OSBPL5: variants seen among roughly 807,000 people sequenced by gnomAD.
The protein encoded by OSBPL5 is oxysterol-binding protein-related protein 5.
Under a neutral mutation model 111.2 loss-of-function variants are expected in OSBPL5, and 71 were observed. That is an observed-to-expected ratio of 0.64 (90% CI 0.53 to 0.78). The LOEUF is 0.78. Ranked by LOEUF, OSBPL5 falls within the 30% of genes least tolerant of loss-of-function variation. OSBPL5 has a pLI of 0.00. For synonymous variants in OSBPL5, 549 were observed against 513.9 expected (o/e 1.07, Z -0.93); for missense variants, 1,210 against 1,189.3 (o/e 1.02, Z -0.26).
chr11:3,096,414 T>C (rs1857254308), intron 14 of OSBPL5, among the ~76,000 whole-genome samples: 1 of 151,304 alleles, frequency 6.6e-6, no homozygotes, highest in Non-Finnish European at 1.5e-5. Flanking sequence ...AGGGCAGGAG[T>C]TTGTGACCAG....
In OSBPL5 at chr11:3,107,929, G is replaced by T; in HGVS notation, c.708C>A (p.Asp236Glu). 6.3e-7 allele frequency: 1 copy of T among 1,599,978 alleles called. No individual in the cohort carries two copies. ...ASESDGRCWL[D>E]ALELALRCSS... ...AGCAGCGCAGGGCCAGCTCCAGGGCGTCCAGCCAGCAGCGACCTGCGGGGC... is the reference window on the plus strand; with the variant it reads ...AGCAGCGCAGGGCCAGCTCCAGGGCTTCCAGCCAGCAGCGACCTGCGGGGC... Residue 236 changes from aspartate (D) to glutamate (E), a missense_variant, in exon 8 of 22, where the codon GAC becomes GAA. By Grantham distance (45) the Asp-to-Glu change is conservative. Coordinates refer to ENST00000263650, the MANE Select transcript of OSBPL5 (RefSeq NM_020896.4). The surrounding 1 kb of genome is among the most constrained non-coding windows in gnomAD (Gnocchi z 6.1).
chr11:3,098,767 A>G (rs1361708703), intron 14 of OSBPL5, among the ~76,000 whole-genome samples: 3 of 151,600 alleles, frequency 2.0e-5, no homozygotes, highest in African/African-American at 4.9e-5. Flanking sequence ...AACCTCCCAA[A>G]GTGCTGGGAT....
At chr11:3,143,005 CAGAG>C (rs1564857147) in intron 1 of OSBPL5, among the ~76,000 whole-genome samples, 4 of 77,156 alleles carry the variant, frequency 5.2e-5, no homozygotes, top group Non-Finnish European at 1.1e-4. Context: ...GAGGCAGGTG[CAGAG>C]GGGGGCAGAG....
intron 10 of OSBPL5, among the ~76,000 whole-genome samples, chr11:3,103,885 C>CCCTT (rs1564830898): frequency 1.0e-4 from 5 of 49,932 alleles, no homozygotes; most frequent in Non-Finnish European, 1.6e-4. Context: ...CCTCTGTAGC[C>CCCTT]CCATTCCTGC....
rs1326825821 is a variant in OSBPL5, at chr11:3,107,086, G to A, written c.1059+177C>T. Among the ~76,000 whole-genome samples, 2 of 152,312 alleles carry A rather than the reference G, an allele frequency of 1.3e-5. No individual in the cohort carries two copies. The highest frequency in any genetic ancestry group is 1.5e-5 in the Non-Finnish European group (1 of 68,016). On this transcript the variant is annotated intron_variant, in intron 9 of 21. Transcript: ENST00000263650. The surrounding 1 kb of genome is among the most constrained non-coding windows in gnomAD (Gnocchi z 6.1). ...CAGCGGGGCAGCCTCTTTGGAAGAC[G>A]GGAGGAGCCTGTTTACCTAAAAGAC...
chr11:3,151,535 T>TG (rs899927806), intron 1 of OSBPL5, among the ~76,000 whole-genome samples: 1 of 152,216 alleles, frequency 6.6e-6, no homozygotes, highest in Non-Finnish European at 1.5e-5. Flanking sequence ...CCCCATGTGC[T>TG]GGGGGTGCAT....
Position 3,120,222 on chromosome 11 carries a change from C to A in OSBPL5, c.606+199G>T, listed in dbSNP as rs73415908. 3.8e-3 allele frequency among the ~76,000 whole-genome samples: 584 copies of A among 152,308 alleles called. 2 individuals carry two copies. Among genetic ancestry groups the A allele is most frequent in the African/African-American group, 0.014 (563 of 41,560 alleles). Reference sequence around the variant, plus strand: ...TGACCTTGATGCCACCTCCTTGCAGCCTACTGTGTGCTTCACATGGAGCAC... The same window carrying A: ...TGACCTTGATGCCACCTCCTTGCAGACTACTGTGTGCTTCACATGGAGCAC... On this transcript the variant is annotated intron_variant, in intron 6 of 21. Transcript: ENST00000263650.
In OSBPL5 at chr11:3,099,016, T is replaced by C. The variant is rs113925427; in HGVS notation, c.1621+1142A>G. Among the ~76,000 whole-genome samples, 369 of 152,296 alleles carry C rather than the reference T, an allele frequency of 2.4e-3. 1 individual carries two copies. Among genetic ancestry groups the C allele is most frequent in the Middle Eastern group, 6.8e-3 (2 of 294 alleles). ...CAGGGTTTTGCCATGTTGCCCAGGC[T>C]GGTCTTGAACTCTTGGGCTCAAGTG... On this transcript the variant is annotated intron_variant, in intron 14 of 21. Coordinates refer to ENST00000263650, the MANE Select transcript of OSBPL5 (RefSeq NM_020896.4).
In OSBPL5 at chr11:3,087,110, C is replaced by T. The variant is rs1207875751; in HGVS notation, c.*1095G>A. 1.3e-5 allele frequency: 2 copies of T among 152,350 alleles called. No individual in the cohort carries two copies. Among genetic ancestry groups the T allele is most frequent in the Admixed American group, 6.5e-5 (1 of 15,288 alleles). 9.4% of individuals were successfully genotyped at this position (152,350 alleles called of 1,614,324 possible). On this transcript the variant is annotated 3_prime_UTR_variant, in exon 22 of 22. Transcript: ENST00000263650. ...GCCCTCCTCTCGTTTCCAGAAGTCC[C>T]GCAAGAAGAGAACACGTATGTGTCT...
Position 3,112,474 on chromosome 11 carries a change from TTTTC to T in OSBPL5, c.692-4533_692-4530del, listed in dbSNP as rs869233517. Among the ~76,000 whole-genome samples the T allele has an allele frequency of 7.3e-3, 404 of 55,252 alleles. 1 individual carries two copies. The highest frequency in any genetic ancestry group is 0.013 in the South Asian group (14 of 1,114). The allele number at this position is 55,252 out of a possible 152,430, so 36.2% of individuals were successfully genotyped here. A position where few individuals can be genotyped will look rare whatever the true frequency, so the allele number is the denominator to read the frequency against. ...ATTGTGTAACCTGTTTTGTGTTTTC[TTTTC>T]TTTTTTTTTTTTTTTTTGACTAAAG... On this transcript the variant is annotated intron_variant, in intron 7 of 21. Transcript: ENST00000263650.
intron 3 of OSBPL5, among the ~76,000 whole-genome samples, chr11:3,124,737 G>T (rs573274416): frequency 2.6e-5 from 4 of 152,266 alleles, no homozygotes; most frequent in African/African-American, 9.6e-5. Context: ...TCCACCAGGG[G>T]AGGGTTCTAC....
At chr11:3,091,364 C>T (rs1239706293) in intron 19 of OSBPL5, among the ~76,000 whole-genome samples, 1 of 152,066 alleles carries the variant, frequency 6.6e-6, no homozygotes, top group Admixed American at 6.6e-5. Context: ...GTGTGGTCAG[C>T]GACGGGGCAG....
At position 3,104,109 on chromosome 11, in the gene OSBPL5, G is replaced by A; in HGVS notation, c.1244+84C>T. On this transcript the variant is annotated intron_variant, in intron 10 of 21. Coordinates refer to ENST00000263650, the MANE Select transcript of OSBPL5 (RefSeq NM_020896.4). The surrounding 1 kb of genome is among the most constrained non-coding windows in gnomAD (Gnocchi z 5.0). ...ATGGGATTCTCTGGAAGCCCCCACA[G>A]GGCAGGTAGGGGCTGGGGGTGCTGC... 2 of 1,425,680 alleles carry A rather than the reference G, an allele frequency of 1.4e-6. No homozygotes were observed. The highest frequency in any genetic ancestry group is 1.9e-6 in the Non-Finnish European group (2 of 1,050,144). The allele number at this position is 1,425,680 out of a possible 1,614,324, so 88.3% of individuals were successfully genotyped here.
At position 3,154,281 on chromosome 11, in the gene OSBPL5, A is replaced by T. The variant is rs183092235; in HGVS notation, c.-22+10935T>A. Reference sequence around the variant, plus strand: ...CTGCGTGCAGCACCTGCCAGTAGGTAGCAGGATGTGTCGTAGAGGGCTTGC... The same window carrying T: ...CTGCGTGCAGCACCTGCCAGTAGGTTGCAGGATGTGTCGTAGAGGGCTTGC... On this transcript the variant is annotated intron_variant, in intron 1 of 21. Transcript: ENST00000263650. This position sits in a 1 kb window ranked among gnomAD's most constrained non-coding sequence, Gnocchi z 4.9. 6.6e-6 allele frequency among the ~76,000 whole-genome samples: 1 copy of T among 152,338 alleles called. No homozygotes were observed. Among genetic ancestry groups the T allele is most frequent in the East Asian group, 1.9e-4 (1 of 5,180 alleles).
chr11:3,115,239 A>G (rs1055375478), intron 7 of OSBPL5, among the ~76,000 whole-genome samples: 1 of 152,334 alleles, frequency 6.6e-6, no homozygotes, highest in South Asian at 2.1e-4. Context: ...TGTTTTATCA[A>G]AATAATTCCT....
At chr11:3,134,388 G>T (rs867927846) in intron 1 of OSBPL5, among the ~76,000 whole-genome samples, 1 of 152,096 alleles carries the variant, frequency 6.6e-6, no homozygotes, top group Non-Finnish European at 1.5e-5. Flanking sequence ...CTGGGGGAGC[G>T]CCAGGTTTTG....
rs1053109085 is a variant in OSBPL5 at position 3,146,136 on chromosome 11, G to C, written c.-21-16967C>G. On this transcript the variant is annotated intron_variant, in intron 1 of 21. Transcript: ENST00000263650. This position sits in a 1 kb window ranked among gnomAD's most constrained non-coding sequence, Gnocchi z 7.8. ...GGCCCTTCCATCTCACCAGATGCTAGGGGTACAAAAGAAAAATAAGCCAGG... is the reference window on the plus strand; with the variant it reads ...GGCCCTTCCATCTCACCAGATGCTACGGGTACAAAAGAAAAATAAGCCAGG... 2.6e-5 allele frequency: 4 copies of C among 152,182 alleles called. No homozygotes were observed. Among genetic ancestry groups the C allele is most frequent in the African/African-American group, 9.7e-5 (4 of 41,410 alleles). 9.4% of individuals were successfully genotyped at this position (152,182 alleles called of 1,614,324 possible).
Position 3,094,217 on chromosome 11 carries a change from C to A in OSBPL5, c.1719+20G>T. ...GTTCCTTCCCTGGCCTCGTCTCCCC[C>A]AGGCTGCAGCCAGCGCTACCTTGAG... On this transcript the variant is annotated intron_variant, in intron 15 of 21. Coordinates refer to ENST00000263650, the MANE Select transcript of OSBPL5 (RefSeq NM_020896.4). The A allele has an allele frequency of 6.2e-7, 1 of 1,610,416 alleles. No homozygotes were observed. Among genetic ancestry groups the A allele is most frequent in the East Asian group, 2.2e-5 (1 of 44,832 alleles).
chr11:3,113,908 A>G lies in OSBPL5; in HGVS notation c.691+5639T>C, dbSNP rs1858103425. ...AAACAAGATGGAGTCAGTTAGGTCA[A>G]ATCTCTTTCACTGTCTCAGTTATAA... is the stretch of plus-strand genomic sequence containing the variant. On this transcript the variant is annotated intron_variant, in intron 7 of 21. Coordinates refer to ENST00000263650, the MANE Select transcript of OSBPL5 (RefSeq NM_020896.4). This position sits in a 1 kb window ranked among gnomAD's most constrained non-coding sequence, Gnocchi z 4.8. 6.6e-6 allele frequency among the ~76,000 whole-genome samples: 1 copy of G among 152,214 alleles called. No homozygotes were observed. Among genetic ancestry groups the G allele is most frequent in the African/African-American group, 2.4e-5 (1 of 41,444 alleles).
Sources: allele counts gnomAD v4.1 joint callset (sites outside exome capture counted in the v4.1 genomes callset), GRCh38; gene constraint gnomAD v4.1.1; non-coding constraint Gnocchi (gnomAD v3.1); transcripts MANE v1.5; gene names NCBI Gene and HGNC (gene_info 2026-07-23, HGNC 2026-07-21).